The following CCDC150 variants were observed in gnomAD, a reference collection of about 807,000 sequenced individuals.
CCDC150 encodes the protein coiled-coil domain containing 150.
CCDC150 carries 151 observed loss-of-function variants against 156.5 expected under a neutral mutation model. The observed-to-expected ratio is 0.97, with a 90% CI of 0.85 to 1.10. The LOEUF (loss-of-function observed/expected upper bound fraction) is 1.10. CCDC150 is among the 50% of genes least tolerant of loss of function. CCDC150 has a pLI of 0.00. For synonymous variants in CCDC150, 452 were observed against 429.4 expected, an observed-to-expected ratio of 1.05 and a Z score of -0.65; for missense variants, 1,312 against 1,268.1, an observed-to-expected ratio of 1.03 and a Z score of -0.53.
chr2:196,709,804 C>A (rs574268520), intron 15 of CCDC150, among the ~76,000 whole-genome samples: 2 of 152,204 alleles, frequency 1.3e-5, no homozygotes, highest in Non-Finnish European at 2.9e-5. Flanking sequence ...GAGGTCCACT[C>A]CAGACCCTGT....
chr2:196,695,912 A>G (rs1214760102), intron 14 of CCDC150, among the ~76,000 whole-genome samples: 1 of 152,258 alleles, frequency 6.6e-6, no homozygotes, highest in African/African-American at 2.4e-5. Context: ...AATACATGAA[A>G]AAGTATTACT....
rs1417036417 is a variant in CCDC150 at position 196,646,429 on chromosome 2, A to G, written c.101A>G (p.Gln34Arg). The G allele has an allele frequency of 1.2e-6, 2 of 1,613,864 alleles. No individual in the cohort carries two copies. Among genetic ancestry groups the G allele is most frequent in the Admixed American group, 1.7e-5 (1 of 60,026 alleles). ...TASETFTVLQ[Q>R]RMRIVEEQTS... ...TCTGAAACATTCACAGTACTTCAGCAAAGGATGAGAATAGTTGAGGAACAG... is the reference window on the plus strand; with the variant it reads ...TCTGAAACATTCACAGTACTTCAGCGAAGGATGAGAATAGTTGAGGAACAG... The change falls in exon 2 of 28, where the codon CAA (glutamine) becomes CGA (arginine). Residue 34 changes from glutamine (Q) to arginine (R), a missense_variant. Physicochemically the swap from Gln to Arg is conservative, Grantham distance 43. Transcript: ENST00000389175.
At chr2:196,639,829 G>A in intron 1 of CCDC150, 51 bp downstream of exon 1, 1 of 1,535,764 alleles carries the variant, frequency 6.5e-7, no homozygotes, top group Non-Finnish European at 8.8e-7. Context: ...GGCTCGCGAG[G>A]CTTCGGCTCA....
chr2:196,713,635 A>T, intron 17 of CCDC150: 1 of 1,462,808 alleles, frequency 6.8e-7, no homozygotes, highest in Non-Finnish European at 9.0e-7. Flanking sequence ...TTCTAGCCTC[A>T]AGACCTTTAA....
intron 2 of CCDC150, among the ~76,000 whole-genome samples, chr2:196,647,737 TA>T (rs1338773166): frequency 6.6e-6 from 1 of 152,220 alleles, no homozygotes; most frequent in African/African-American, 2.4e-5. Context: ...TCACCTCACA[TA>T]CTTATTTCCT....
At chr2:196,716,945 C>T (rs1259340735) in intron 17 of CCDC150, among the ~76,000 whole-genome samples, 1 of 147,542 alleles carries the variant, frequency 6.8e-6, no homozygotes, top group East Asian at 2.0e-4. Flanking sequence ...ACTGCAACCT[C>T]TGCCTCCTGG....
intron 1 of CCDC150, 65 bp downstream of exon 1, chr2:196,639,843 A>G: frequency 2.1e-6 from 3 of 1,439,692 alleles, no homozygotes; most frequent in South Asian, 1.4e-5. Context: ...CGGCTCAGAT[A>G]AGGACAGTCA....
intron 7 of CCDC150, chr2:196,667,163 A>C: frequency 2.9e-6 from 1 of 349,068 alleles, no homozygotes; most frequent in Non-Finnish European, 5.4e-6. Context: ...CAATAGATTG[A>C]ATATTTGATA....
In CCDC150 at chr2:196,725,959, C is replaced by T; in HGVS notation, c.2430-14C>T. On this transcript the variant is annotated splice_polypyrimidine_tract_variant and intron_variant, in intron 21 of 27. Coordinates refer to ENST00000389175, the MANE Select transcript of CCDC150 (RefSeq NM_001080539.2). The stretch of plus-strand genomic sequence containing the variant: ...TTTCTAAAGGTGACTTATCACCTCT[C>T]TTCTTCAAAACAGAGACCGGATGAC... 1 of 1,582,154 alleles carries T rather than the reference C, an allele frequency of 6.3e-7. No individual in the cohort carries two copies. Among genetic ancestry groups the T allele is most frequent in the Non-Finnish European group, 8.6e-7 (1 of 1,163,222 alleles).
chr2:196,719,480 G>A lies in CCDC150; in HGVS notation c.1996-17G>A, dbSNP rs761892329. 6.2e-7 allele frequency: 1 copy of A among 1,601,306 alleles called. No individual in the cohort carries two copies. The highest frequency in any genetic ancestry group is 2.2e-5 in the East Asian group (1 of 44,576). On this transcript the variant is annotated splice_polypyrimidine_tract_variant and intron_variant, in intron 18 of 27. Coordinates refer to ENST00000389175, the MANE Select transcript of CCDC150 (RefSeq NM_001080539.2). ...AGAAAGGATCAAATGTCTTTGTGTT[G>A]TTTCATTTTCTGTTAGGTGGGAAAC...
intron 1 of CCDC150, among the ~76,000 whole-genome samples, chr2:196,641,584 AAACT>A (rs1292950403): frequency 6.6e-5 from 10 of 152,180 alleles, no homozygotes; most frequent in African/African-American, 2.4e-4. Flanking sequence ...ACCAATAAAC[AAACT>A]ATGTATTTTA....
chr2:196,692,751 A>G (rs1462803861), intron 13 of CCDC150, among the ~76,000 whole-genome samples: 1 of 152,154 alleles, frequency 6.6e-6, no homozygotes, highest in Non-Finnish European at 1.5e-5. Context: ...TTATGTGATC[A>G]ATTTTAGAGT....
chr2:196,729,080 T>TA (rs2125718798), intron 22 of CCDC150, 113 bp from the exon 23 acceptor site: 2 of 949,450 alleles, frequency 2.1e-6, no homozygotes, highest in East Asian at 5.3e-5. Context: ...ATTGCCTCAC[T>TA]AACTCTCCTT....
At chr2:196,677,415 A>G in intron 13 of CCDC150, 54 bp downstream of exon 13, 1 of 1,145,872 alleles carries the variant, frequency 8.7e-7, no homozygotes, top group Non-Finnish European at 1.3e-6. Flanking sequence ...TGTATTGCTG[A>G]CTACCGTATC....
chr2:196,667,161 T>G (rs1315991009), intron 7 of CCDC150: 2 of 359,364 alleles, frequency 5.6e-6, no homozygotes, highest in Non-Finnish European at 1.0e-5. Context: ...AACAATAGAT[T>G]GAATATTTGA....
At chr2:196,672,617 C>T (rs559055911) in intron 9 of CCDC150, among the ~76,000 whole-genome samples, 180 bp downstream of exon 9, 10 of 152,222 alleles carry the variant, frequency 6.6e-5, no homozygotes, top group East Asian at 5.8e-4. Flanking sequence ...TTTCTCATTT[C>T]GCTCTCCAAA....
rs1697920577 is a variant in CCDC150, at chr2:196,721,634, A to T, written c.2372A>T (p.His791Leu). The T allele has an allele frequency of 6.2e-7, 1 of 1,604,742 alleles. No homozygotes were observed. The stretch of plus-strand genomic sequence containing the variant: ...AATCATCTGCAAACAAAGCTAGATC[A>T]CATTCAAGAGCAATTGGAAAGCAAA... ...TNNHLQTKLD[H>L]IQEQLESKEL... The change falls in exon 21 of 28, where the codon CAC becomes CTC. Residue 791 changes from histidine to leucine, a missense_variant. Physicochemically the swap from His to Leu is moderately conservative, Grantham distance 99. Coordinates refer to ENST00000389175, the MANE Select transcript of CCDC150 (RefSeq NM_001080539.2).
At position 196,676,238 on chromosome 2, in the gene CCDC150, G is replaced by C. The variant is rs1269908282; in HGVS notation, c.1233G>C (p.Gln411His). 2 of 1,613,596 alleles carry C rather than the reference G, an allele frequency of 1.2e-6. No homozygotes were observed. Among genetic ancestry groups the C allele is most frequent in the Admixed American group, 1.7e-5 (1 of 60,016 alleles). ...TCACAAATGAACTACAGACTGTTCA[G>C]AATGAGAAAACCCAACTCCAGGCAC... ...ASITNELQTV[Q>H]NEKTQLQAHL... Residue 411 changes from glutamine (Q) to histidine (H), a missense_variant, in exon 11 of 28, where the codon CAG becomes CAC. By Grantham distance (24) the Gln-to-His change is conservative. Transcript: ENST00000389175.
chr2:196,646,235 C>A, intron 1 of CCDC150, 106 bp from the exon 2 acceptor site: 1 of 1,020,768 alleles, frequency 9.8e-7, no homozygotes, highest in Non-Finnish European at 1.5e-6. Context: ...ATCACCATTC[C>A]TGAGTTCAAC....
Sources: gnomAD v4.1 joint callset for allele counts (sites outside exome capture counted in the v4.1 genomes callset) on GRCh38, gnomAD v4.1.1 for gene constraint, MANE v1.5 for transcripts, NCBI Gene and HGNC (gene_info 2026-07-23, HGNC 2026-07-21) for gene names.